RAPGEF5: variants seen among roughly 807,000 people sequenced by gnomAD.
RAPGEF5 encodes M-Ras-regulated GEF.
In RAPGEF5, 65 loss-of-function variants were observed where a neutral mutation model predicts 125.2. That is an observed-to-expected ratio of 0.52 (90% CI 0.43 to 0.64). The LOEUF is 0.64. Among genes scored for constraint, RAPGEF5 ranks in the 30% least tolerant of loss-of-function variants. The pLI is 0.00. For missense variants in RAPGEF5, 958 were observed against 1,048.1 expected (o/e 0.91, Z 1.19); for synonymous variants, 391 against 385.9 (o/e 1.01, Z -0.16).
At chr7:22,322,769 A>G (rs898123581) in intron 1 of RAPGEF5, among the ~76,000 whole-genome samples, 5 of 152,202 alleles carry the variant, frequency 3.3e-5, no homozygotes, top group African/African-American at 1.2e-4. Context: ...ACAGGTACTA[A>G]GGACCCACCC....
intron 8 of RAPGEF5, among the ~76,000 whole-genome samples, chr7:22,224,662 G>C (rs982621692): frequency 6.6e-6 from 1 of 152,050 alleles, no homozygotes; most frequent in African/African-American, 2.4e-5. Flanking sequence ...CCAGACAGTG[G>C]TGGGACACAT....
chr7:22,257,196 C>A (rs1352123085), intron 7 of RAPGEF5, among the ~76,000 whole-genome samples: 3 of 152,198 alleles, frequency 2.0e-5, no homozygotes, highest in Non-Finnish European at 4.4e-5. Context: ...TTCTGTCAAG[C>A]TCCAGATGTG....
At chr7:22,322,592 T>C (rs1364498703) in intron 1 of RAPGEF5, among the ~76,000 whole-genome samples, 1 of 152,224 alleles carries the variant, frequency 6.6e-6, no homozygotes, top group Non-Finnish European at 1.5e-5. Context: ...CTGCAGTTAT[T>C]GTCCCATACA....
intron 11 of RAPGEF5, among the ~76,000 whole-genome samples, chr7:22,176,433 G>A (rs1784509999): frequency 6.6e-6 from 1 of 152,138 alleles, no homozygotes; most frequent in Non-Finnish European, 1.5e-5. Flanking sequence ...CTAAGGATTG[G>A]CAAGATAGCT....
intron 11 of RAPGEF5, among the ~76,000 whole-genome samples, chr7:22,173,907 A>G (rs542718654): frequency 1.3e-5 from 2 of 152,278 alleles, no homozygotes; most frequent in South Asian, 2.1e-4. Context: ...TGGCATATGC[A>G]TGCGTCTGCC....
At chr7:22,347,734 G>A (rs753666822) in intron 1 of RAPGEF5, among the ~76,000 whole-genome samples, 10 of 152,018 alleles carry the variant, frequency 6.6e-5, no homozygotes, top group African/African-American at 1.7e-4. Flanking sequence ...TTTTCTCTTC[G>A]GGAAAAGAAG....
At chr7:22,125,966 G>A (rs1243453261) in intron 24 of RAPGEF5, among the ~76,000 whole-genome samples, 1 of 152,132 alleles carries the variant, frequency 6.6e-6, no homozygotes, top group Non-Finnish European at 1.5e-5. Flanking sequence ...TGGCCAATAT[G>A]GCGAAACCCC....
intron 6 of RAPGEF5, among the ~76,000 whole-genome samples, chr7:22,277,999 G>A (rs1005805411): frequency 4.6e-5 from 7 of 152,136 alleles, no homozygotes; most frequent in African/African-American, 1.4e-4. Flanking sequence ...AGAATGACAC[G>A]GATCCTGAAA....
At chr7:22,304,771 C>A (rs1458849322) in intron 5 of RAPGEF5, among the ~76,000 whole-genome samples, 1 of 152,172 alleles carries the variant, frequency 6.6e-6, no homozygotes, top group Admixed American at 6.5e-5. Context: ...TAAAATCATG[C>A]CACTCCTTTT....
intron 6 of RAPGEF5, among the ~76,000 whole-genome samples, chr7:22,271,177 A>T (rs192298715): frequency 1.5e-3 from 234 of 152,236 alleles, no homozygotes; most frequent in African/African-American, 5.1e-3. Context: ...TCATTTGGAG[A>T]GGTTTAAAAA....
At chr7:22,350,870 C>G (rs1784317699) in intron 1 of RAPGEF5, among the ~76,000 whole-genome samples, 1 of 152,144 alleles carries the variant, frequency 6.6e-6, no homozygotes, top group Non-Finnish European at 1.5e-5. Context: ...CAGTTTTACA[C>G]CAAGGATCAG....
chr7:22,181,521 C>A (rs955283659), intron 11 of RAPGEF5, among the ~76,000 whole-genome samples: 7 of 150,462 alleles, frequency 4.7e-5, no homozygotes, highest in Non-Finnish European at 7.4e-5. Context: ...ATCCTAAATG[C>A]CAGACAAGAA....
At chr7:22,284,786 G>C (rs996887873) in intron 6 of RAPGEF5, among the ~76,000 whole-genome samples, 1 of 152,032 alleles carries the variant, frequency 6.6e-6, no homozygotes, top group African/African-American at 2.4e-5. Context: ...GCATTCTCCA[G>C]GAAGAAAAAG....
chr7:22,123,768 C>T (rs1327744483), intron 25 of RAPGEF5, among the ~76,000 whole-genome samples: 1 of 152,126 alleles, frequency 6.6e-6, no homozygotes. Flanking sequence ...CTCTGGAAGA[C>T]GTCGAGAAAG....
intron 7 of RAPGEF5, among the ~76,000 whole-genome samples, chr7:22,253,712 A>G (rs1786679891): frequency 3.9e-5 from 6 of 152,326 alleles, no homozygotes; most frequent in Admixed American, 3.9e-4. Context: ...ACATATTATC[A>G]GAAAGGTAAA....
chr7:22,132,454 A>C (rs1432197346), intron 23 of RAPGEF5, among the ~76,000 whole-genome samples: 3 of 151,978 alleles, frequency 2.0e-5, no homozygotes, highest in Non-Finnish European at 2.9e-5. Context: ...CTCCTGACAA[A>C]CTCTCTGGTT....
At chr7:22,276,501 T>C (rs1317749759) in intron 6 of RAPGEF5, among the ~76,000 whole-genome samples, 1 of 152,206 alleles carries the variant, frequency 6.6e-6, no homozygotes, top group African/African-American at 2.4e-5. Flanking sequence ...ATGGTAGCAA[T>C]CTCTCATTTG....
At chr7:22,167,692 T>C (rs1287811348) in intron 11 of RAPGEF5, among the ~76,000 whole-genome samples, 1 of 152,194 alleles carries the variant, frequency 6.6e-6, no homozygotes, top group African/African-American at 2.4e-5. Flanking sequence ...GGGAAAGTGA[T>C]GAGTGATTTT....
At chr7:22,244,919 T>C (rs1225842333) in intron 7 of RAPGEF5, among the ~76,000 whole-genome samples, 2 of 152,250 alleles carry the variant, frequency 1.3e-5, no homozygotes, top group African/African-American at 2.4e-5. Context: ...GGTATGGCTG[T>C]ACTAATTTAC....
Sources: gnomAD v4.1 joint callset for allele counts (sites outside exome capture counted in the v4.1 genomes callset) on GRCh38, gnomAD v4.1.1 for gene constraint, MANE v1.5 for transcripts, NCBI Gene and HGNC (gene_info 2026-07-23, HGNC 2026-07-21) for gene names.